Variants in ABCC1 observed in about 807,000 individuals in gnomAD.
ABCC1 encodes the protein ATP binding cassette subfamily C member 1 (ABCC1 blood group).
In ABCC1, 83 loss-of-function variants were observed where a neutral mutation model predicts 172.9. The ratio of observed to expected loss-of-function variants is 0.48; its 90% CI spans 0.40 to 0.58. The LOEUF (loss-of-function observed/expected upper bound fraction) is 0.58. Ranked by LOEUF, ABCC1 falls within the 20% of genes least tolerant of loss-of-function variation. ABCC1 has a pLI of 0.00. For missense variants in ABCC1, 1,817 were observed against 2,002.7 expected (o/e 0.91, Z 1.77); for synonymous variants, 937 against 825.2 (o/e 1.14, Z -2.32).
At chr16:16,075,115 T>G (rs1024360588) in intron 14 of ABCC1, among the ~76,000 whole-genome samples, 18 of 151,848 alleles carry the variant, frequency 1.2e-4, no homozygotes, top group African/African-American at 4.1e-4. Flanking sequence ...TGGCTAATGT[T>G]TGTATTTTTA....
intron 5 of ABCC1, among the ~76,000 whole-genome samples, chr16:16,030,399 C>A (rs2048521728): frequency 6.6e-6 from 1 of 152,110 alleles, no homozygotes; most frequent in Non-Finnish European, 1.5e-5. Context: ...GTGGCTGATG[C>A]TTGTAATCCC....
intron 1 of ABCC1, among the ~76,000 whole-genome samples, chr16:15,976,650 G>A (rs1597067511): frequency 6.6e-6 from 1 of 152,128 alleles, no homozygotes; most frequent in Non-Finnish European, 1.5e-5. Flanking sequence ...TACTAAGGGG[G>A]CTTCAGCATT....
chr16:15,987,508 A>G (rs1266163720), intron 1 of ABCC1, among the ~76,000 whole-genome samples: 2 of 152,070 alleles, frequency 1.3e-5, no homozygotes, highest in Non-Finnish European at 2.9e-5. Context: ...GGGCTGTCCT[A>G]TGTATTGTGG....
At chr16:15,972,769 C>T (rs1302309359) in intron 1 of ABCC1, among the ~76,000 whole-genome samples, 1 of 146,082 alleles carries the variant, frequency 6.8e-6, no homozygotes, top group Non-Finnish European at 1.5e-5. Flanking sequence ...TATTGTCCAA[C>T]ATGTACTTAT....
chr16:15,999,215 C>A (rs1428236709), intron 1 of ABCC1, among the ~76,000 whole-genome samples: 1 of 151,712 alleles, frequency 6.6e-6, no homozygotes, highest in Non-Finnish European at 1.5e-5. Context: ...CCGTGTTAGC[C>A]AGGATGGTCT....
At chr16:15,962,148 T>C (rs907966109) in intron 1 of ABCC1, among the ~76,000 whole-genome samples, 3 of 152,196 alleles carry the variant, frequency 2.0e-5, no homozygotes, top group African/African-American at 7.2e-5. Context: ...TGCTTGGCTG[T>C]GTGTGAGAGG....
intron 5 of ABCC1, 150 bp from the exon 6 acceptor site, chr16:16,032,959 G>A: frequency 1.5e-6 from 1 of 677,004 alleles, no homozygotes; most frequent in Non-Finnish European, 2.6e-6. Flanking sequence ...TTAGGAGAGG[G>A]TCCTTTTGGG....
In ABCC1 at chr16:15,966,653, T is replaced by C. The variant is rs539688153; in HGVS notation, c.48+16854T>C. On this transcript the variant is annotated intron_variant, in intron 1 of 30. Transcript: ENST00000399410. ...TTGTAGTTTGCTTTTCTCTCTCTCT[T>C]TTTTTTTTTTTTTTAGAGACAGAGA... Among the ~76,000 whole-genome samples the C allele has an allele frequency of 6.0e-3, 867 of 144,704 alleles. 7 individuals are homozygous for C. The highest frequency in any genetic ancestry group is 0.02 in the African/African-American group (788 of 39,756). The allele number at this position is 144,704 out of a possible 152,430, so 94.9% of individuals were successfully genotyped here.
Position 16,056,211 on chromosome 16 carries a change from C to T in ABCC1, c.1593C>T (p.Ile531=). 6.2e-7 allele frequency: 1 copy of T among 1,614,198 alleles called. No homozygotes were observed. The highest frequency in any genetic ancestry group is 8.5e-7 in the Non-Finnish European group (1 of 1,180,040). The change falls in exon 12 of 31, where the codon ATC becomes ATT. Residue 531 remains isoleucine (I), a synonymous_variant. Transcript: ENST00000399410. ...CATTCAAGGACAAGGTGCTGGCCAT[C>T]AGGCAGGAGGAGCTGAAGGTGCTGA... ...ELAFKDKVLA[I]RQEELKVLKK... is the part of the protein sequence containing the mutation.
intron 21 of ABCC1, among the ~76,000 whole-genome samples, chr16:16,107,847 A>G (rs1461014039): frequency 6.6e-6 from 1 of 151,580 alleles, no homozygotes; most frequent in Non-Finnish European, 1.5e-5. Context: ...AGGGAATGGA[A>G]TTTTTAAAGT....
chr16:16,114,805 G>T lies in ABCC1; in HGVS notation c.3119G>T (p.Gly1040Val), dbSNP rs1294368184. ...GGCTACTCCATGGCCGTGTCCATCG[G>T]GGGGATCTTGGCTTCCCGCTGTCTG... ...VFGYSMAVSI[G>V]GILASRCLHV... Residue 1040 changes from glycine to valine, a missense_variant, in exon 23 of 31, where the codon GGG becomes GTG. By Grantham distance (109) the Gly-to-Val change is moderately radical. Coordinates refer to ENST00000399410, the MANE Select transcript of ABCC1 (RefSeq NM_004996.4). The T allele has an allele frequency of 2.5e-6, 4 of 1,607,906 alleles. No individual in the cohort carries two copies. Among genetic ancestry groups the T allele is most frequent in the East Asian group, 4.5e-5 (2 of 44,706 alleles).
At chr16:15,958,907 G>A (rs2046066496) in intron 1 of ABCC1, among the ~76,000 whole-genome samples, 1 of 152,152 alleles carries the variant, frequency 6.6e-6, no homozygotes, top group Non-Finnish European at 1.5e-5. Flanking sequence ...TCTGTGCAGC[G>A]TAGTCTTAGC....
rs376450684 is a variant in ABCC1, at chr16:15,976,393, G to T, written c.48+26594G>T. On this transcript the variant is annotated intron_variant, in intron 1 of 30. Transcript: ENST00000399410. ...ATGACTTAATGGTGACAAGTTCCCTGTGAAGCAGGGACTGTGATTGTTTCT... is the reference window on the plus strand; with the variant it reads ...ATGACTTAATGGTGACAAGTTCCCTTTGAAGCAGGGACTGTGATTGTTTCT... Among the ~76,000 whole-genome samples the T allele has an allele frequency of 2.0e-4, 30 of 152,296 alleles. No individual in the cohort carries two copies. In the East Asian group the frequency reaches 3.7e-3, roughly 19 times the overall value.
At position 16,122,123 on chromosome 16, in the gene ABCC1, T is replaced by G. The variant is rs771364147; in HGVS notation, c.3539T>G (p.Leu1180Arg). ...GAGCGCTTCATCCACCAGAGTGACCTGAAGGTGGACGAGAACCAGAAGGCC... is the reference window on the plus strand; with the variant it reads ...GAGCGCTTCATCCACCAGAGTGACCGGAAGGTGGACGAGAACCAGAAGGCC... ...EQERFIHQSDLKVDENQKAYY... is the reference protein window; with the variant it reads ...EQERFIHQSDRKVDENQKAYY... The change falls in exon 24 of 31, where the codon CTG becomes CGG. Residue 1180 changes from leucine to arginine, a missense_variant. Around this residue, in one of 3 missense-constraint regions of ABCC1, gnomAD observed 1,412 missense variants for 1,600.3 expected, o/e 0.88. Transcript: ENST00000399410. 2 of 1,614,186 alleles carry G rather than the reference T, an allele frequency of 1.2e-6. No individual in the cohort carries two copies. Among genetic ancestry groups the G allele is most frequent in the Non-Finnish European group, 1.7e-6 (2 of 1,180,042 alleles).
rs547271903 is a variant in ABCC1, at chr16:16,137,457, TC to T, written c.4292+816del. Among the ~76,000 whole-genome samples, 7 of 150,922 alleles carry T rather than the reference TC, an allele frequency of 4.6e-5. No homozygotes were observed. In the East Asian group the frequency reaches 1.4e-3, roughly 30 times the overall value. On this transcript the variant is annotated intron_variant, in intron 29 of 30. Coordinates refer to ENST00000399410, the MANE Select transcript of ABCC1 (RefSeq NM_004996.4). ...TTGGCTGTCCTTACTTTTGCTGGTGTCCCATTGGCCAAAGCAAGGAACATGT... is the reference window on the plus strand; with the variant it reads ...TTGGCTGTCCTTACTTTTGCTGGTGTCCATTGGCCAAAGCAAGGAACATGT...
In ABCC1 at chr16:16,007,709, C is replaced by A. The variant is rs2047596307; in HGVS notation, c.49-107C>A. The A allele has an allele frequency of 1.1e-5, 12 of 1,086,558 alleles. No individual in the cohort carries two copies. The South Asian group carries it at 1.8e-4, about 16-fold the overall frequency. The allele number at this position is 1,086,558 out of a possible 1,614,324, so 67.3% of individuals were successfully genotyped here. A position where few individuals can be genotyped will look rare whatever the true frequency, so the allele number is the denominator to read the frequency against. On this transcript the variant is annotated intron_variant, in intron 1 of 30. Coordinates refer to ENST00000399410, the MANE Select transcript of ABCC1 (RefSeq NM_004996.4). Reference sequence around the variant, plus strand: ...TGAAAGGTCCTTGGATATATAGGAGCCTTGTCTGTTTCTTCAAACCCCGTG... The same window carrying A: ...TGAAAGGTCCTTGGATATATAGGAGACTTGTCTGTTTCTTCAAACCCCGTG...
chr16:16,136,634 G>A lies in ABCC1; in HGVS notation c.4282G>A (p.Glu1428Lys), dbSNP rs776131130. 1.2e-6 allele frequency: 2 copies of A among 1,614,066 alleles called. No individual in the cohort carries two copies. The highest frequency in any genetic ancestry group is 3.3e-5 in the Admixed American group (2 of 60,018). Residue 1428 changes from glutamate (E) to lysine (K), a missense_variant, in exon 29 of 31, where the codon GAG becomes AAG. Glu to Lys is a moderately conservative substitution (Grantham distance 56). This residue lies in a region of ABCC1 where 1,412 missense variants were observed against 1,600.3 expected (regional missense o/e 0.88). Transcript: ENST00000399410. Reference sequence around the variant, plus strand: ...AGACCATGAATGTGCAGAAGGCGGGGAGAACCTCAGGTAGGCGGGGGTGAA... The same window carrying A: ...AGACCATGAATGTGCAGAAGGCGGGAAGAACCTCAGGTAGGCGGGGGTGAA... ...KLDHECAEGGENLSVGQRQLV... is the reference protein window; with the variant it reads ...KLDHECAEGGKNLSVGQRQLV...
chr16:16,140,829 C>G (rs1241375340), intron 30 of ABCC1, among the ~76,000 whole-genome samples: 1 of 152,198 alleles, frequency 6.6e-6, no homozygotes, highest in Non-Finnish European at 1.5e-5. Flanking sequence ...ACTATCTGGC[C>G]TTTTTCAGAA....
intron 26 of ABCC1, among the ~76,000 whole-genome samples, 179 bp downstream of exon 26, chr16:16,126,090 A>C (rs2045420629): frequency 6.6e-6 from 1 of 152,220 alleles, no homozygotes; most frequent in African/African-American, 2.4e-5. Flanking sequence ...TTTTAGGGTG[A>C]AAATAGTTTA....
Sources: allele counts gnomAD v4.1 joint callset (sites outside exome capture counted in the v4.1 genomes callset), GRCh38; gene constraint gnomAD v4.1.1; regional missense constraint gnomAD v4.1.1; transcripts MANE v1.5; gene names NCBI Gene and HGNC (gene_info 2026-07-23, HGNC 2026-07-21).